The following B4GALT1 variants were observed in gnomAD, a reference collection of about 807,000 sequenced individuals.
B4GALT1 encodes the protein beta-1,4-galactosyltransferase 1.
B4GALT1 carries 16 observed loss-of-function variants against 34.9 expected under a neutral mutation model. The observed-to-expected ratio is 0.46, with a 90% CI of 0.31 to 0.70. The LOEUF (loss-of-function observed/expected upper bound fraction) is 0.70. B4GALT1 is among the 30% of genes least tolerant of loss of function. The pLI is 0.05. For synonymous variants in B4GALT1, 221 were observed against 218.1 expected (o/e 1.01, Z -0.12); for missense variants, 445 against 530.5 (o/e 0.84, Z 1.58).
At chr9:33,105,719 T>G (rs899387501), downstream of B4GALT1, among the ~76,000 whole-genome samples, 1 of 152,150 alleles carries the variant, frequency 6.6e-6, no homozygotes, top group African/African-American at 2.4e-5. Context: ...TGCAATCATA[T>G]GATATTTGTC....
chr9:33,146,044 G>C (rs995306721), intron 1 of B4GALT1, among the ~76,000 whole-genome samples: 6 of 152,320 alleles, frequency 3.9e-5, no homozygotes, highest in African/African-American at 1.4e-4. Flanking sequence ...CTGTCCAGTG[G>C]GGAAGCCACA....
At chr9:33,117,316 G>A (rs1173169315) in intron 3 of B4GALT1, among the ~76,000 whole-genome samples, 1 of 152,198 alleles carries the variant, frequency 6.6e-6, no homozygotes, top group Non-Finnish European at 1.5e-5. Context: ...GTATAATGAT[G>A]AACTTATGTT....
At chr9:33,170,259 C>T (rs1276777272), upstream of B4GALT1, among the ~76,000 whole-genome samples, 4 of 152,128 alleles carry the variant, frequency 2.6e-5, no homozygotes, top group South Asian at 4.1e-4. Context: ...TGTGAGCCAC[C>T]GTGCCCGGCC....
At chr9:33,167,560 G>C (rs996479603), upstream of B4GALT1, among the ~76,000 whole-genome samples, 4 of 152,228 alleles carry the variant, frequency 2.6e-5, no homozygotes, top group Non-Finnish European at 5.9e-5. Context: ...GCCGCGCACC[G>C]CCCTCTTCCT....
intron 2 of B4GALT1, among the ~76,000 whole-genome samples, chr9:33,123,298 AAAAG>A (rs1840049037): frequency 6.6e-6 from 1 of 150,896 alleles, no homozygotes; most frequent in Non-Finnish European, 1.5e-5. Context: ...AAAAAAAAAA[AAAAG>A]TTCAAAGTTT....
rs552696510 is a variant in B4GALT1, at chr9:33,162,575, G to A, written c.412+4183C>T. ...ACACCTTGCAGGGATCTTCTGAAAC[G>A]CTAGGGCATATCAGGTCACCCCTGA... On this transcript the variant is annotated intron_variant, in intron 1 of 5. Transcript: ENST00000379731. Among the ~76,000 whole-genome samples the A allele has an allele frequency of 6.6e-5, 10 of 152,268 alleles. No individual in the cohort carries two copies. In the South Asian group the frequency reaches 1.2e-3, roughly 19 times the overall value.
the B4GALT1 span, among the ~76,000 whole-genome samples, chr9:33,182,196 G>A: frequency 8.9e-4 from 136 of 152,218 alleles, 2 homozygotes; most frequent in African/African-American, 3.2e-3. Context: ...TTGGCTTGTA[G>A]CAGCATCATT....
intron 1 of B4GALT1, among the ~76,000 whole-genome samples, chr9:33,150,125 A>T (rs1272056758): frequency 6.8e-6 from 1 of 146,036 alleles, no homozygotes; most frequent in African/African-American, 2.7e-5. Context: ...AAAAGGAGAT[A>T]TATATAGATA....
intron 1 of B4GALT1, among the ~76,000 whole-genome samples, chr9:33,149,729 C>T (rs769730670): frequency 3.9e-5 from 6 of 152,146 alleles, no homozygotes; most frequent in Non-Finnish European, 8.8e-5. Flanking sequence ...CTGAGAAGAA[C>T]TCAGCATCAT....
chr9:33,126,275 T>C (rs1451462649), intron 2 of B4GALT1, among the ~76,000 whole-genome samples: 1 of 152,122 alleles, frequency 6.6e-6, no homozygotes, highest in Non-Finnish European at 1.5e-5. Flanking sequence ...TGACGGGGCA[T>C]TCCTATAGGC....
intron 4 of B4GALT1, among the ~76,000 whole-genome samples, 189 bp from the exon 5 acceptor site, chr9:33,114,067 T>C (rs1482397273): frequency 6.6e-6 from 1 of 152,220 alleles, no homozygotes; most frequent in Non-Finnish European, 1.5e-5. Flanking sequence ...TCCATGTCCT[T>C]TTACAACTGG....
At chr9:33,147,966 C>T (rs766213194) in intron 1 of B4GALT1, among the ~76,000 whole-genome samples, 12 of 151,794 alleles carry the variant, frequency 7.9e-5, no homozygotes, top group African/African-American at 1.2e-4. Context: ...CCCAGGATTG[C>T]GAGGCCACAA....
intron 1 of B4GALT1, among the ~76,000 whole-genome samples, chr9:33,144,152 G>C (rs1840392168): frequency 6.6e-6 from 1 of 152,110 alleles, no homozygotes; most frequent in African/African-American, 2.4e-5. Context: ...CCAAAGTGTT[G>C]GGATTACAGG....
At chr9:33,160,105 T>C (rs1445583487) in intron 1 of B4GALT1, among the ~76,000 whole-genome samples, 2 of 152,266 alleles carry the variant, frequency 1.3e-5, no homozygotes, top group Non-Finnish European at 2.9e-5. Flanking sequence ...AAATCTGGAA[T>C]TTCCAATGAG....
the B4GALT1 span, among the ~76,000 whole-genome samples, chr9:33,173,438 A>G: frequency 0.01 from 1,527 of 151,922 alleles, 35 homozygotes; most frequent in African/African-American, 0.035. Flanking sequence ...AAGCAACTAT[A>G]TATAGATGAG....
the B4GALT1 span, among the ~76,000 whole-genome samples, chr9:33,176,674 G>A: frequency 3.9e-5 from 6 of 152,162 alleles, no homozygotes; most frequent in African/African-American, 1.4e-4. Context: ...CGGCACAAAG[G>A]TGGGAACAGT....
chr9:33,113,114 C>G lies in B4GALT1; in HGVS notation c.*340G>C. ...CCATAATTTAAAGAAAAATTCTAAC[C>G]TATTTCACGACAATTTAGCAATTCT... On this transcript the variant is annotated 3_prime_UTR_variant, in exon 6 of 6. Coordinates refer to ENST00000379731, the MANE Select transcript of B4GALT1 (RefSeq NM_001497.4). 3.1e-6 allele frequency: 1 copy of G among 319,488 alleles called. No individual in the cohort carries two copies. The highest frequency in any genetic ancestry group is 4.6e-5 in the Admixed American group (1 of 21,900). The allele number at this position is 319,488 out of a possible 1,614,324, so 19.8% of individuals were successfully genotyped here.
intron 3 of B4GALT1, among the ~76,000 whole-genome samples, chr9:33,116,322 C>T (rs761752689): frequency 3.0e-4 from 46 of 152,116 alleles, no homozygotes; most frequent in Non-Finnish European, 3.8e-4. Flanking sequence ...ACTTCCGCCT[C>T]CCGGGTTCAA....
intron 2 of B4GALT1, among the ~76,000 whole-genome samples, chr9:33,127,292 G>C (rs989093035): frequency 2.0e-5 from 3 of 152,204 alleles, no homozygotes; most frequent in Non-Finnish European, 2.9e-5. Flanking sequence ...CCAGCTCCAA[G>C]GAGCCAGCGC....
Sources: allele counts gnomAD v4.1 joint callset (sites outside exome capture counted in the v4.1 genomes callset), GRCh38; gene constraint gnomAD v4.1.1; transcripts MANE v1.5; gene names NCBI Gene and HGNC (gene_info 2026-07-23, HGNC 2026-07-21).